The following BCAR3 variants were observed in gnomAD, a reference collection of about 807,000 sequenced individuals.
The protein encoded by BCAR3 is breast cancer anti-estrogen resistance protein 3.
A neutral mutation model predicts 80.1 loss-of-function variants in BCAR3; 37 were observed. The ratio of observed to expected loss-of-function variants is 0.46; its 90% CI spans 0.36 to 0.61. BCAR3 has a LOEUF of 0.61. Ranked by LOEUF, BCAR3 falls within the 20% of genes least tolerant of loss-of-function variation. The pLI is 0.00. For missense variants in BCAR3, 978 were observed against 1,068.2 expected (o/e 0.92, Z 1.18); for synonymous variants, 389 against 418.9 (o/e 0.93, Z 0.87).
At chr1:93,578,679 G>A (rs1673566467) in intron 7 of BCAR3, among the ~76,000 whole-genome samples, 2 of 152,062 alleles carry the variant, frequency 1.3e-5, no homozygotes, top group South Asian at 4.1e-4. Context: ...CCTGCAGGGC[G>A]TTTCCCACCT....
chr1:93,633,990 G>T (rs904057431), intron 3 of BCAR3, among the ~76,000 whole-genome samples: 6 of 152,200 alleles, frequency 3.9e-5, no homozygotes, highest in African/African-American at 1.4e-4. Flanking sequence ...ACCCTTTTCA[G>T]TACAATTCCA....
chr1:93,707,827 G>A (rs914184281), intron 2 of BCAR3, among the ~76,000 whole-genome samples: 9 of 152,222 alleles, frequency 5.9e-5, no homozygotes, highest in Non-Finnish European at 1.0e-4. Context: ...TTAAATGCTT[G>A]TATGGATATG....
intron 11 of BCAR3, among the ~76,000 whole-genome samples, chr1:93,563,797 A>G (rs1361562703): frequency 2.0e-5 from 3 of 152,160 alleles, no homozygotes; most frequent in Non-Finnish European, 4.4e-5. Context: ...GGTTCAAGCA[A>G]TTCTCCTGCC....
chr1:93,815,759 G>A (rs916079427), intron 2 of BCAR3, among the ~76,000 whole-genome samples: 18 of 152,170 alleles, frequency 1.2e-4, no homozygotes, highest in African/African-American at 4.1e-4. Flanking sequence ...TACACCAACA[G>A]ACACACGGAG....
intron 2 of BCAR3, among the ~76,000 whole-genome samples, chr1:93,800,890 T>A (rs990078206): frequency 6.6e-6 from 1 of 152,212 alleles, no homozygotes; most frequent in Non-Finnish European, 1.5e-5. Context: ...TAGTCACTGG[T>A]TGAGTATATA....
chr1:93,585,429 G>A (rs7543763), intron 5 of BCAR3, among the ~76,000 whole-genome samples: 32,317 of 152,186 alleles, frequency 0.21, 3,918 homozygotes, highest in African/African-American at 0.31. Flanking sequence ...TATTAGGCCT[G>A]ACTTGTTGAC....
intron 7 of BCAR3, among the ~76,000 whole-genome samples, chr1:93,579,530 G>A (rs1474574892): frequency 6.6e-6 from 1 of 152,160 alleles, no homozygotes; most frequent in Non-Finnish European, 1.5e-5. Context: ...CCACTAGGAG[G>A]ACAAAATGCA....
intron 2 of BCAR3, among the ~76,000 whole-genome samples, chr1:93,658,063 C>T (rs574358973): frequency 2.6e-5 from 4 of 151,990 alleles, no homozygotes; most frequent in African/African-American, 4.8e-5. Context: ...GGCTCAGCCT[C>T]CCGAGTAGCT....
At position 93,696,525 on chromosome 1, in the gene BCAR3, C is replaced by T. The variant is rs536724590; in HGVS notation, c.-12+9567G>A. 1.4e-4 allele frequency among the ~76,000 whole-genome samples: 21 copies of T among 152,174 alleles called. 1 individual carries two copies. The highest frequency in any genetic ancestry group is 6.8e-3 in the Middle Eastern group (2 of 294). On this transcript the variant is annotated intron_variant, in intron 3 of 13. Coordinates refer to the BCAR3 transcript ENST00000370244. Reference sequence around the variant, plus strand: ...TCTGGCCCAGGGTCCCTTCCTCTCTCGCCTGGACTCTCCATTGCTTCCCAG... The same window carrying T: ...TCTGGCCCAGGGTCCCTTCCTCTCTTGCCTGGACTCTCCATTGCTTCCCAG...
intron 2 of BCAR3, among the ~76,000 whole-genome samples, chr1:93,762,407 C>A (rs1332072732): frequency 6.6e-6 from 1 of 152,176 alleles, no homozygotes; most frequent in Non-Finnish European, 1.5e-5. Context: ...TCATGGTGAC[C>A]ATAGAATTGG....
At chr1:93,579,870 C>G (rs1383009557) in intron 7 of BCAR3, among the ~76,000 whole-genome samples, 1 of 152,276 alleles carries the variant, frequency 6.6e-6, no homozygotes, top group Non-Finnish European at 1.5e-5. Flanking sequence ...ATGTGCCTGA[C>G]TGACTAGAAC....
chr1:93,788,971 C>A (rs1167273865), intron 2 of BCAR3, among the ~76,000 whole-genome samples: 2 of 151,994 alleles, frequency 1.3e-5, no homozygotes, highest in African/African-American at 4.8e-5. Flanking sequence ...TCCCTCCCTT[C>A]CTCCCTCCCT....
intron 3 of BCAR3, among the ~76,000 whole-genome samples, chr1:93,630,053 G>GC (rs1315473229): frequency 1.3e-5 from 2 of 152,134 alleles, no homozygotes; most frequent in East Asian, 3.8e-4. Flanking sequence ...AAATTTAAGT[G>GC]CCCAGTGTGT....
chr1:93,780,207 T>G (rs1220434616), intron 2 of BCAR3, among the ~76,000 whole-genome samples: 1 of 152,204 alleles, frequency 6.6e-6, no homozygotes, highest in Non-Finnish European at 1.5e-5. Context: ...TCAGAAGCGA[T>G]CAGCATTGTC....
rs1244926001 is a variant in BCAR3, at chr1:93,681,716, G to A, written c.-130C>T. On this transcript the variant is annotated 5_prime_UTR_variant, in exon 1 of 12. Transcript: ENST00000260502. Reference sequence around the variant, plus strand: ...CGCCGCGGCTGCTCCCGGAGCTGGGGACGCTCATGGTCCGCGGGGCGTGCC... The same window carrying A: ...CGCCGCGGCTGCTCCCGGAGCTGGGAACGCTCATGGTCCGCGGGGCGTGCC... 6 of 151,738 alleles carry A rather than the reference G, an allele frequency of 4.0e-5. No individual in the cohort carries two copies. Among genetic ancestry groups the A allele is most frequent in the African/African-American group, 1.5e-4 (6 of 41,354 alleles). The allele number at this position is 151,738 out of a possible 1,614,324, so 9.4% of individuals were successfully genotyped here. A position where few individuals can be genotyped will look rare whatever the true frequency, so the allele number is the denominator to read the frequency against.
intron 2 of BCAR3, among the ~76,000 whole-genome samples, chr1:93,673,019 C>T (rs1571031144): frequency 1.3e-5 from 2 of 152,174 alleles, no homozygotes; most frequent in East Asian, 1.9e-4. Context: ...GTTCTCTGCA[C>T]TTGACTTCCC....
chr1:93,678,723 A>C (rs1648611157), intron 1 of BCAR3, among the ~76,000 whole-genome samples: 1 of 152,176 alleles, frequency 6.6e-6, no homozygotes, highest in Admixed American at 6.5e-5. Flanking sequence ...GCTACTTTAC[A>C]TTAGGGTGGA....
intron 7 of BCAR3, among the ~76,000 whole-genome samples, chr1:93,576,393 G>GTGTT (rs1007580675): frequency 1.3e-5 from 2 of 152,222 alleles, no homozygotes; most frequent in African/African-American, 4.8e-5. Context: ...GATTTGTTAA[G>GTGTT]TGTTTCTGCC....
intron 2 of BCAR3, among the ~76,000 whole-genome samples, chr1:93,766,213 G>C (rs1242593712): frequency 6.6e-6 from 1 of 152,180 alleles, no homozygotes; most frequent in Non-Finnish European, 1.5e-5. Flanking sequence ...CAACCCTGTG[G>C]AGAGAGTTTC....
Sources: allele counts gnomAD v4.1 joint callset (sites outside exome capture counted in the v4.1 genomes callset), GRCh38; gene constraint gnomAD v4.1.1; transcripts MANE v1.5; gene names NCBI Gene and HGNC (gene_info 2026-07-23, HGNC 2026-07-21).